PXDN: variants seen among roughly 807,000 people sequenced by gnomAD.
The protein encoded by PXDN is peroxidasin homolog.
In PXDN, 77 loss-of-function variants were observed where a neutral mutation model predicts 140.3. That is an observed-to-expected ratio of 0.55 (90% CI 0.46 to 0.66). The LOEUF is 0.66. Among genes scored for constraint, PXDN ranks in the 30% least tolerant of loss-of-function variants. The pLI is 0.00. For missense variants in PXDN, 1,838 were observed against 2,039.5 expected (o/e 0.90, Z 1.90); for synonymous variants, 911 against 857.4 (o/e 1.06, Z -1.09).
chr2:1,663,975 G>A (rs1351137158), intron 11 of PXDN: 1 of 581,214 alleles, frequency 1.7e-6, no homozygotes, highest in Non-Finnish European at 3.0e-6. Flanking sequence ...CAGAGGGGTT[G>A]ACAGTGGCAG....
At chr2:1,690,129 C>A (rs1391741436) in intron 3 of PXDN, among the ~76,000 whole-genome samples, 1 of 152,220 alleles carries the variant, frequency 6.6e-6, no homozygotes, top group Non-Finnish European at 1.5e-5. Flanking sequence ...ATGTACTCCA[C>A]CAATGAGAGC....
At chr2:1,684,524 T>C (rs896679151) in intron 4 of PXDN, among the ~76,000 whole-genome samples, 7 of 152,216 alleles carry the variant, frequency 4.6e-5, no homozygotes, top group Admixed American at 3.3e-4. Context: ...CATACATAAA[T>C]AGGTGAATAC....
At chr2:1,643,315 G>T in intron 19 of PXDN, 53 bp downstream of exon 19, 1 of 1,569,264 alleles carries the variant, frequency 6.4e-7, no homozygotes. Context: ...CCGCCAAGCA[G>T]TCACCAAAAC....
At chr2:1,710,360 G>C (rs1383263391) in intron 1 of PXDN, among the ~76,000 whole-genome samples, 2 of 152,158 alleles carry the variant, frequency 1.3e-5, no homozygotes, top group Non-Finnish European at 2.9e-5. Flanking sequence ...AGGCCGCTGG[G>C]GGCTCAGCGT....
chr2:1,645,355 C>A (rs772483496), intron 17 of PXDN, among the ~76,000 whole-genome samples: 1 of 152,222 alleles, frequency 6.6e-6, no homozygotes, highest in Non-Finnish European at 1.5e-5. Context: ...CATGTCACAA[C>A]TTCTACTACG....
intron 10 of PXDN, 119 bp downstream of exon 10, chr2:1,666,095 C>A: frequency 7.4e-7 from 1 of 1,359,788 alleles, no homozygotes; most frequent in Non-Finnish European, 1.0e-6. Context: ...AAAAATCAAC[C>A]GAGTGAAGTG....
intron 1 of PXDN, among the ~76,000 whole-genome samples, chr2:1,730,547 G>A (rs537518742): frequency 1.2e-4 from 19 of 152,296 alleles, no homozygotes; most frequent in Middle Eastern, 3.4e-3. Flanking sequence ...GGGCAGCACC[G>A]CAGTCAGGCT....
At chr2:1,686,752 C>T (rs1684067646) in intron 4 of PXDN, among the ~76,000 whole-genome samples, 1 of 152,176 alleles carries the variant, frequency 6.6e-6, no homozygotes, top group Non-Finnish European at 1.5e-5. Flanking sequence ...CACCGTGGGT[C>T]CTCAGGATGC....
rs1207952022 is a variant in PXDN at position 1,657,831 on chromosome 2, C to T, written c.1837+3050G>A. Among the ~76,000 whole-genome samples, 5 of 145,534 alleles carry T rather than the reference C, an allele frequency of 3.4e-5. No homozygotes were observed. The South Asian group carries it at 8.6e-4, about 25-fold the overall frequency. ...GTCCCCACCTGACAGGCACTTGCAC[C>T]CTCCAGATTGGGACCCGCCCTCTCC... On this transcript the variant is annotated intron_variant, in intron 14 of 22. Transcript: ENST00000252804.
chr2:1,704,828 G>A (rs1684552575), intron 1 of PXDN, among the ~76,000 whole-genome samples: 1 of 152,154 alleles, frequency 6.6e-6, no homozygotes, highest in Admixed American at 6.5e-5. Flanking sequence ...AGGCAGCTTT[G>A]CCTTGAGCAG....
chr2:1,661,825 T>A (rs1466549008), intron 13 of PXDN, among the ~76,000 whole-genome samples: 4 of 152,238 alleles, frequency 2.6e-5, no homozygotes, highest in African/African-American at 9.6e-5. Context: ...TTTGTTCTTA[T>A]TAGTAAGGAT....
chr2:1,710,906 T>C (rs1370983643), intron 1 of PXDN, among the ~76,000 whole-genome samples: 1 of 101,274 alleles, frequency 9.9e-6, no homozygotes, highest in Non-Finnish European at 1.9e-5. Context: ...GCACCCACTC[T>C]CCACCAGCAC....
At chr2:1,640,127 C>T (rs1432682911) in intron 19 of PXDN, among the ~76,000 whole-genome samples, 1 of 147,274 alleles carries the variant, frequency 6.8e-6, no homozygotes, top group African/African-American at 2.5e-5. Flanking sequence ...CTCCTGGTCC[C>T]CGGGTGAGTG....
At chr2:1,716,517 G>A (rs529207768) in intron 1 of PXDN, among the ~76,000 whole-genome samples, 3 of 151,600 alleles carry the variant, frequency 2.0e-5, no homozygotes, top group Non-Finnish European at 4.4e-5. Flanking sequence ...GCAAGGACTG[G>A]ATATAAGAGG....
At chr2:1,679,481 T>A (rs534657880) in intron 7 of PXDN, among the ~76,000 whole-genome samples, 50 of 146,304 alleles carry the variant, frequency 3.4e-4, no homozygotes, top group Non-Finnish European at 5.9e-4. Context: ...CTATAAATGG[T>A]TTGTGTGTAA....
At chr2:1,718,294 TAACCTACTCCACTAACCTAAAACTCA>T (rs369764053) in intron 1 of PXDN, among the ~76,000 whole-genome samples, 8,767 of 151,776 alleles carry the variant, frequency 0.058, 299 homozygotes, top group African/African-American at 0.074. Context: ...CCAACTCTAC[TAACCTACTCCACTAACCTAAAACTCA>T]AACCTACTCC....
At chr2:1,663,249 T>C (rs1683347980) in intron 12 of PXDN, among the ~76,000 whole-genome samples, 1 of 152,174 alleles carries the variant, frequency 6.6e-6, no homozygotes. Flanking sequence ...TTAGACTGTG[T>C]TACTTAAATA....
chr2:1,711,485 C>CCA (rs1201092396), intron 1 of PXDN, among the ~76,000 whole-genome samples: 2 of 114,938 alleles, frequency 1.7e-5, no homozygotes, highest in African/African-American at 3.5e-5. Context: ...CCACCAGCAC[C>CCA]CGCTCCACCA....
rs6732413 is a variant in PXDN at position 1,638,597 on chromosome 2, A to C, written c.4206+249T>G. On this transcript the variant is annotated intron_variant, in intron 21 of 22. Transcript: ENST00000252804. ...CAGCAAGGTCACCTGGCTGGCAGTC[A>C]CACGGCCGTGACACAGATTGCCCCT... Among the ~76,000 whole-genome samples the C allele has an allele frequency of 0.89, 135,959 of 152,112 alleles. 60,941 individuals are homozygous for C. Among genetic ancestry groups the C allele is most frequent in the East Asian group, 1 (5,119 of 5,124 alleles).
Sources: allele counts gnomAD v4.1 joint callset (sites outside exome capture counted in the v4.1 genomes callset), GRCh38; gene constraint gnomAD v4.1.1; transcripts MANE v1.5; gene names NCBI Gene and HGNC (gene_info 2026-07-23, HGNC 2026-07-21).